Variants in COL11A1 observed in about 807,000 individuals in gnomAD.
COL11A1 encodes collagen alpha-1(XI) chain.
In COL11A1, 74 loss-of-function variants were observed where a neutral mutation model predicts 265.2. The ratio of observed to expected loss-of-function variants is 0.28; its 90% confidence interval spans 0.23 to 0.34. The LOEUF is 0.34. COL11A1 is among the 10% of genes least tolerant of loss of function. The probability of loss-of-function intolerance (pLI) is 1.00; values close to 1 mark genes in which losing one functional copy is unlikely to be tolerated. For synonymous variants in COL11A1, 816 were observed against 727.6 expected (o/e 1.12, Z -1.96); for missense variants, 2,165 against 2,263.6 (o/e 0.96, Z 0.88).
intron 41 of COL11A1, among the ~76,000 whole-genome samples, chr1:102,960,841 G>A (rs1480584573): frequency 1.3e-5 from 2 of 152,114 alleles, no homozygotes; most frequent in African/African-American, 2.4e-5. Flanking sequence ...TGGAACTATA[G>A]GATGGGTATG....
intron 4 of COL11A1, among the ~76,000 whole-genome samples, chr1:103,054,496 C>A (rs1250880737): frequency 6.6e-6 from 1 of 152,042 alleles, no homozygotes; most frequent in Non-Finnish European, 1.5e-5. Flanking sequence ...TTTTACAAAG[C>A]CAAATGTGGC....
intron 1 of COL11A1, among the ~76,000 whole-genome samples, chr1:103,084,903 A>T (rs958440717): frequency 2.0e-5 from 3 of 152,188 alleles, no homozygotes; most frequent in Non-Finnish European, 4.4e-5. Context: ...ACACCACCAA[A>T]CTTCTAAATA....
intron 53 of COL11A1, among the ~76,000 whole-genome samples, chr1:102,913,008 T>C (rs1339035640): frequency 6.6e-6 from 1 of 152,162 alleles, no homozygotes; most frequent in Non-Finnish European, 1.5e-5. Flanking sequence ...AATGGACTAA[T>C]ACACATGCTG....
intron 41 of COL11A1, among the ~76,000 whole-genome samples, chr1:102,954,223 C>T (rs768163169): frequency 2.0e-5 from 3 of 152,134 alleles, no homozygotes; most frequent in Admixed American, 1.3e-4. Context: ...TCCTGCTGCA[C>T]CTTCATCTAA....
At chr1:103,019,443 A>C (rs1666818677) in intron 9 of COL11A1, among the ~76,000 whole-genome samples, 1 of 152,184 alleles carries the variant, frequency 6.6e-6, no homozygotes, top group South Asian at 2.1e-4. Context: ...CTATAATGTC[A>C]TTTAAAAAGG....
chr1:102,979,079 C>T lies in COL11A1; in HGVS notation c.2636G>A (p.Arg879Gln), dbSNP rs375752532. 17 of 1,613,952 alleles carry T rather than the reference C, an allele frequency of 1.1e-5. No individual in the cohort carries two copies. The highest frequency in any genetic ancestry group is 4.0e-5 in the African/African-American group (3 of 74,900). Reference protein sequence around the residue: ...ARGVAGKPGPRGQRGPTGPRG... With the variant: ...ARGVAGKPGPQGQRGPTGPRG... ...ACCTACCGTTGGACCACGCTGACCC[C>T]GAGGGCCTGGTTTGCCAGCTACTCC... Residue 879 changes from arginine to glutamine, a missense_variant, in exon 33 of 67, where the codon CGG (arginine) becomes CAG (glutamine). Physicochemically the swap from Arg to Gln is conservative, Grantham distance 43. Transcript: ENST00000370096.
chr1:103,009,803 T>G (rs1665950386), intron 14 of COL11A1, among the ~76,000 whole-genome samples: 1 of 152,112 alleles, frequency 6.6e-6, no homozygotes, highest in Non-Finnish European at 1.5e-5. Flanking sequence ...AAAAGTCAAG[T>G]AACATGAATT....
Position 103,108,356 on chromosome 1 carries a change from C to T in COL11A1, c.-178G>A. On this transcript the variant is annotated 5_prime_UTR_variant, in exon 1 of 67. Coordinates refer to ENST00000370096, the MANE Select transcript of COL11A1 (RefSeq NM_001854.4). ...TTGATGGTTTGCGTTCTTCGTGTCT[C>T]TAGCCCTTTCCTCTCCCTCTGAGTT... 1.5e-6 allele frequency: 1 copy of T among 659,674 alleles called. No individual in the cohort carries two copies. 40.9% of individuals were successfully genotyped at this position (659,674 alleles called of 1,614,324 possible). A position where few individuals can be genotyped will look rare whatever the true frequency, so the allele number is the denominator to read the frequency against.
At chr1:102,995,064 A>G (rs758654159) in intron 28 of COL11A1, among the ~76,000 whole-genome samples, 3 of 152,150 alleles carry the variant, frequency 2.0e-5, no homozygotes, top group Non-Finnish European at 4.4e-5. Context: ...ATCACCTCCC[A>G]CCATGTGCCT....
chr1:102,911,770 A>G (rs1654711850), intron 54 of COL11A1, among the ~76,000 whole-genome samples: 1 of 152,116 alleles, frequency 6.6e-6, no homozygotes, highest in African/African-American at 2.4e-5. Flanking sequence ...ACCTCATTTC[A>G]TTGATGCATT....
intron 1 of COL11A1, among the ~76,000 whole-genome samples, chr1:103,083,976 C>T (rs1672650344): frequency 6.6e-6 from 1 of 152,060 alleles, no homozygotes; most frequent in Admixed American, 6.5e-5. Context: ...GTAAGTGTGA[C>T]CCATTTGTAT....
At chr1:102,908,860 G>A (rs1275416586) in intron 54 of COL11A1, among the ~76,000 whole-genome samples, 1 of 151,784 alleles carries the variant, frequency 6.6e-6, no homozygotes, top group African/African-American at 2.4e-5. Flanking sequence ...TTTTAATCAG[G>A]GGAGTTAACA....
chr1:102,928,083 G>T lies in COL11A1; in HGVS notation c.3601-4694C>A, dbSNP rs183742591. On this transcript the variant is annotated intron_variant, in intron 46 of 66. Coordinates refer to ENST00000370096, the MANE Select transcript of COL11A1 (RefSeq NM_001854.4). ...TTATCTTGTTATGAGTCCTATGAGAGGACCCTTCTAATATCTTACTTTTTT... is the reference window on the plus strand; with the variant it reads ...TTATCTTGTTATGAGTCCTATGAGATGACCCTTCTAATATCTTACTTTTTT... Among the ~76,000 whole-genome samples, 26 of 151,986 alleles carry T rather than the reference G, an allele frequency of 1.7e-4. No individual in the cohort carries two copies. In the East Asian group the frequency reaches 5.0e-3, roughly 30 times the overall value.
intron 4 of COL11A1, among the ~76,000 whole-genome samples, chr1:103,070,303 G>A (rs1186699501): frequency 1.3e-5 from 2 of 151,000 alleles, no homozygotes; most frequent in Non-Finnish European, 3.0e-5. Context: ...TGAATTGTAT[G>A]TAATATAAAT....
intron 46 of COL11A1, among the ~76,000 whole-genome samples, chr1:102,934,248 G>A (rs1657910356): frequency 6.6e-6 from 1 of 152,194 alleles, no homozygotes; most frequent in Non-Finnish European, 1.5e-5. Flanking sequence ...GCTGATACAT[G>A]TTCAGGAGAA....
chr1:102,913,678 C>A lies in COL11A1; in HGVS notation c.3991G>T (p.Val1331Phe). ...CCATCTTCACCCTTGTCACCACCAA[C>A]ACCATCTTGACCCTATAAGAGGCAA... ...GEPGPAGQDG[V>F]GGDKGEDGDP... Residue 1331 changes from valine to phenylalanine, a missense_variant, in exon 53 of 67, where the codon GTT (valine) becomes TTT (phenylalanine). By Grantham distance (50) the Val-to-Phe change is conservative. Transcript: ENST00000370096. 6.2e-7 allele frequency: 1 copy of A among 1,613,434 alleles called. No homozygotes were observed. The highest frequency in any genetic ancestry group is 8.5e-7 in the Non-Finnish European group (1 of 1,179,592).
chr1:102,970,349 A>AT, intron 36 of COL11A1, 77 bp from the exon 37 acceptor site: 1 of 1,203,326 alleles, frequency 8.3e-7, no homozygotes, highest in Admixed American at 2.2e-5. Context: ...ATGTTAGAAA[A>AT]TTTTCTTTTC....
At chr1:103,106,762 C>A (rs765051380) in intron 1 of COL11A1, among the ~76,000 whole-genome samples, 2 of 152,116 alleles carry the variant, frequency 1.3e-5, no homozygotes, top group African/African-American at 2.4e-5. Context: ...GCCTGCTACT[C>A]GGGAAGCTGA....
intron 46 of COL11A1, among the ~76,000 whole-genome samples, chr1:102,929,573 G>A (rs1377428911): frequency 4.6e-5 from 7 of 151,916 alleles, no homozygotes; most frequent in Non-Finnish European, 7.4e-5. Flanking sequence ...TTGGCAATGC[G>A]GGCTCTTTTT....
Sources: allele counts gnomAD v4.1 joint callset (sites outside exome capture counted in the v4.1 genomes callset), GRCh38; gene constraint gnomAD v4.1.1; transcripts MANE v1.5; gene names NCBI Gene and HGNC (gene_info 2026-07-23, HGNC 2026-07-21).